Variants in HLTF observed in about 807,000 individuals in gnomAD.
The protein encoded by HLTF is DNA-dependent ATPase/E3 ubiquitin-protein ligase HLTF.
HLTF carries 127 observed loss-of-function variants against 129.4 expected under a neutral mutation model. The ratio of observed to expected loss-of-function variants is 0.98; its 90% CI spans 0.85 to 1.14. The LOEUF is 1.14. Ranked by LOEUF, HLTF falls within the 50% of genes most tolerant of loss-of-function variation. The pLI is 0.00. For synonymous variants in HLTF, 332 were observed against 388.8 expected, an observed-to-expected ratio of 0.85 and a Z score of 1.72; for missense variants, 1,139 against 1,187.1, an observed-to-expected ratio of 0.96 and a Z score of 0.60.
At chr3:149,061,339 A>G (rs1408864651) in intron 10 of HLTF, among the ~76,000 whole-genome samples, 1 of 151,952 alleles carries the variant, frequency 6.6e-6, no homozygotes, top group East Asian at 1.9e-4. Context: ...TGAAGCCAGG[A>G]GACGGAGTTT....
At chr3:149,065,699 GGGCA>G (rs1718315715) in intron 8 of HLTF, among the ~76,000 whole-genome samples, 1 of 152,018 alleles carries the variant, frequency 6.6e-6, no homozygotes, top group African/African-American at 2.4e-5. Context: ...GCATGGTGGC[GGGCA>G]CCTGTAATCC....
chr3:149,038,449 C>T (rs1715832327), intron 23 of HLTF, among the ~76,000 whole-genome samples: 1 of 152,170 alleles, frequency 6.6e-6, no homozygotes, highest in Admixed American at 6.5e-5. Context: ...ATACTGGGCA[C>T]ATTATTTACT....
rs1715122819 is a variant in HLTF, at chr3:149,032,212, C to G, written c.*8G>C. ...CCAATCAAACTGACCTTACTAAAAT[C>G]CCACAAATTATAAGTCAATTAATGT... is the stretch of plus-strand genomic sequence containing the variant. On this transcript the variant is annotated 3_prime_UTR_variant, in exon 25 of 25. Transcript: ENST00000310053. 1 of 1,554,564 alleles carries G rather than the reference C, an allele frequency of 6.4e-7. No homozygotes were observed. The highest frequency in any genetic ancestry group is 8.6e-7 in the Non-Finnish European group (1 of 1,156,132).
intron 8 of HLTF, among the ~76,000 whole-genome samples, chr3:149,067,280 T>C (rs1413065609): frequency 6.6e-6 from 1 of 151,946 alleles, no homozygotes; most frequent in Admixed American, 6.6e-5. Flanking sequence ...TTGGTACAGA[T>C]AGTGTAGTGA....
chr3:149,082,367 G>A (rs1230169416), intron 2 of HLTF, among the ~76,000 whole-genome samples: 1 of 152,192 alleles, frequency 6.6e-6, no homozygotes, highest in Non-Finnish European at 1.5e-5. Context: ...GCTGAGGCAG[G>A]AGAATGGCAT....
chr3:149,039,329 A>G (rs1206759508), intron 22 of HLTF, 100 bp from the exon 23 acceptor site: 5 of 916,506 alleles, frequency 5.5e-6, no homozygotes, highest in Non-Finnish European at 7.7e-6. Flanking sequence ...TCTTTCACTC[A>G]TTTATTTTAA....
chr3:149,036,433 C>T (rs1004467173), intron 23 of HLTF, among the ~76,000 whole-genome samples: 7 of 151,372 alleles, frequency 4.6e-5, no homozygotes, highest in Admixed American at 2.6e-4. Context: ...GGATTACAGG[C>T]GCTTGCCACC....
At chr3:149,047,634 TCCATCTCAA>T (rs1716659515) in intron 17 of HLTF, among the ~76,000 whole-genome samples, 1 of 152,018 alleles carries the variant, frequency 6.6e-6, no homozygotes, top group Admixed American at 6.6e-5. Context: ...AGAGCAAGAC[TCCATCTCAA>T]ATAAATAAAT....
Position 149,067,512 on chromosome 3 carries a change from TTTG to T in HLTF, c.990+725_990+727del, listed in dbSNP as rs1165364907. On this transcript the variant is annotated intron_variant, in intron 8 of 24. Coordinates refer to ENST00000310053, the MANE Select transcript of HLTF (RefSeq NM_003071.4). ...ATTGTCCACCTTTATTTTATTTTTA[TTTG>T]TTTTAGAGACAGGGTCTCACAGTGT... is the stretch of plus-strand genomic sequence containing the variant. Among the ~76,000 whole-genome samples, 3 of 152,086 alleles carry T rather than the reference TTTG, an allele frequency of 2.0e-5. No homozygotes were observed. The East Asian group carries it at 5.8e-4, about 29-fold the overall frequency.
chr3:149,044,561 T>C (rs1185900751), intron 18 of HLTF, among the ~76,000 whole-genome samples: 1 of 152,096 alleles, frequency 6.6e-6, no homozygotes, highest in Non-Finnish European at 1.5e-5. Flanking sequence ...CATCCACACA[T>C]AGCTGACTTT....
intron 13 of HLTF, among the ~76,000 whole-genome samples, chr3:149,058,046 T>C (rs140673177): frequency 6.6e-6 from 1 of 152,272 alleles, no homozygotes; most frequent in Non-Finnish European, 1.5e-5. Context: ...TACTTGGCAT[T>C]GTGAGATTTT....
In HLTF at chr3:149,040,319, G is replaced by A. The variant is rs1165295766; in HGVS notation, c.2377-163C>T. On this transcript the variant is annotated intron_variant, in intron 20 of 24. Coordinates refer to ENST00000310053, the MANE Select transcript of HLTF (RefSeq NM_003071.4). ...CATTTAAGAGACATCTGAACATGCTGAACTCCAGACATAATGTGGTAAGTA... is the reference window on the plus strand; with the variant it reads ...CATTTAAGAGACATCTGAACATGCTAAACTCCAGACATAATGTGGTAAGTA... The A allele has an allele frequency of 1.2e-5, 7 of 583,004 alleles. No individual in the cohort carries two copies. In the East Asian group the frequency reaches 2.2e-4, roughly 18 times the overall value. The allele number at this position is 583,004 out of a possible 1,614,324, so 36.1% of individuals were successfully genotyped here. A position where few individuals can be genotyped will look rare whatever the true frequency, so the allele number is the denominator to read the frequency against.
At chr3:149,074,587 T>G (rs1489033928) in intron 3 of HLTF, among the ~76,000 whole-genome samples, 1 of 152,118 alleles carries the variant, frequency 6.6e-6, no homozygotes, top group Non-Finnish European at 1.5e-5. Flanking sequence ...TAAAGCAGTT[T>G]TAAAAATGCA....
intron 3 of HLTF, among the ~76,000 whole-genome samples, chr3:149,075,602 C>T (rs1477682348): frequency 1.3e-5 from 2 of 152,122 alleles, no homozygotes; most frequent in Non-Finnish European, 2.9e-5. Flanking sequence ...AACCTAGGTA[C>T]CAAAAGGTTT....
At chr3:149,084,966 G>T in intron 1 of HLTF, 77 bp from the exon 2 acceptor site, 1 of 978,660 alleles carries the variant, frequency 1.0e-6, no homozygotes, top group Non-Finnish European at 1.6e-6. Context: ...GTTTTCTCAT[G>T]CTTTACTTCA....
In HLTF at chr3:149,041,968, C is replaced by T. The variant is rs1381106427; in HGVS notation, c.2197+198G>A. On this transcript the variant is annotated intron_variant, in intron 19 of 24. Transcript: ENST00000310053. ...TCAAAGGGTATCTATCACCGGAATT[C>T]CTGGAAAGACCTCATTATAATTCCA... 3 of 593,466 alleles carry T rather than the reference C, an allele frequency of 5.1e-6. No individual in the cohort carries two copies. The Admixed American group carries it at 9.2e-5, about 18-fold the overall frequency. The allele number at this position is 593,466 out of a possible 1,614,324, so 36.8% of individuals were successfully genotyped here.
At chr3:149,079,373 TAAAAAAAAAAAAAAAAAAAAAAAA>T (rs71135659) in intron 2 of HLTF, among the ~76,000 whole-genome samples, 11 of 57,230 alleles carry the variant, frequency 1.9e-4, no homozygotes, top group Non-Finnish European at 3.5e-4. Flanking sequence ...CGACAGTTTC[TAAAAAAAAAAAAAAAAAAAAAAAA>T]AAAAAAAAAA....
At chr3:149,052,682 A>G (rs1440647205) in intron 14 of HLTF, among the ~76,000 whole-genome samples, 1 of 152,240 alleles carries the variant, frequency 6.6e-6, no homozygotes, top group Non-Finnish European at 1.5e-5. Context: ...AAATGCAGAG[A>G]GGATAAAACA....
Position 149,048,042 on chromosome 3 carries a change from A to C in HLTF, c.1878T>G (p.Asp626Glu). The change falls in exon 17 of 25, where the codon GAT (aspartate) becomes GAG (glutamate). Residue 626 changes from aspartate (D) to glutamate (E), a missense_variant. Physicochemically the swap from Asp to Glu is conservative, Grantham distance 45. Coordinates refer to ENST00000310053, the MANE Select transcript of HLTF (RefSeq NM_003071.4). The part of the protein sequence containing the change: ...RTIQRPVTMG[D>E]EGGLRRLQSL... ...AAAGTACTTACCTAAGTCCTCCTTCATCTCCCATTGTGACAGGACGCTGTA... is the reference window on the plus strand; with the variant it reads ...AAAGTACTTACCTAAGTCCTCCTTCCTCTCCCATTGTGACAGGACGCTGTA... The C allele has an allele frequency of 3.1e-6, 5 of 1,602,596 alleles. No homozygotes were observed. The highest frequency in any genetic ancestry group is 4.3e-6 in the Non-Finnish European group (5 of 1,176,172).
Sources: gnomAD v4.1 joint callset for allele counts (sites outside exome capture counted in the v4.1 genomes callset) on GRCh38, gnomAD v4.1.1 for gene constraint, MANE v1.5 for transcripts, NCBI Gene and HGNC (gene_info 2026-07-23, HGNC 2026-07-21) for gene names.